The following CELF6 variants were observed in gnomAD, a reference collection of about 807,000 sequenced individuals.
The protein encoded by CELF6 is Bruno -like 6, RNA binding protein.
Under a neutral mutation model 53.1 loss-of-function variants are expected in CELF6, and 32 were observed. The observed-to-expected ratio is 0.60, with a 90% CI of 0.46 to 0.81. CELF6 has a LOEUF of 0.81. Among genes scored for constraint, CELF6 ranks in the 30% least tolerant of loss-of-function variants. CELF6 has a pLI of 0.00. For missense variants in CELF6, 539 were observed against 669.5 expected (o/e 0.81, Z 2.15); for synonymous variants, 291 against 288.8 (o/e 1.01, Z -0.08).
Position 72,288,684 on chromosome 15 carries a change from C to T in CELF6, c.1094-66G>A, listed in dbSNP as rs2087954724. 1 of 1,489,396 alleles carries T rather than the reference C, an allele frequency of 6.7e-7. No individual in the cohort carries two copies. The highest frequency in any genetic ancestry group is 9.2e-7 in the Non-Finnish European group (1 of 1,092,606). The allele number at this position is 1,489,396 out of a possible 1,614,324, so 92.3% of individuals were successfully genotyped here. ...CCTTCCCCAAGCAGGGCCCCAACTG[C>T]CTGGCCGCTTTTGACCAATTCAGCC... is the stretch of plus-strand genomic sequence containing the variant. On this transcript the variant is annotated intron_variant, in intron 9 of 12. Transcript: ENST00000287202. The surrounding 1 kb of genome is among the most constrained non-coding windows in gnomAD (Gnocchi z 4.6).
In CELF6 at chr15:72,289,649, G is replaced by GC. The variant is rs766087896; in HGVS notation, c.724dup (p.Ala242GlyfsTer42). 2.0e-6 allele frequency: 3 copies of GC among 1,500,062 alleles called. No homozygotes were observed. The highest frequency in any genetic ancestry group is 2.6e-6 in the Non-Finnish European group (3 of 1,133,652). The allele number at this position is 1,500,062 out of a possible 1,614,324, so 92.9% of individuals were successfully genotyped here. A position where few individuals can be genotyped will look rare whatever the true frequency, so the allele number is the denominator to read the frequency against. On this transcript the variant is annotated frameshift_variant, in exon 6 of 13. Transcript: ENST00000287202. LOFTEE classifies it high-confidence loss of function. The surrounding 1 kb of genome is among the most constrained non-coding windows in gnomAD (Gnocchi z 7.6). ...TACCGCCGTGGTGTAGGCGCCGCAG[G>GC]CCCCTAGCGGCAGTGGCGCGGGGTG...
chr15:72,318,100 T>C (rs573405116), intron 1 of CELF6, among the ~76,000 whole-genome samples: 1 of 152,246 alleles, frequency 6.6e-6, no homozygotes, highest in South Asian at 2.1e-4. Context: ...GAAATCAATG[T>C]CTAAAAATAA....
intron 3 of CELF6, among the ~76,000 whole-genome samples, chr15:72,302,557 T>G (rs1043780748): frequency 1.2e-4 from 19 of 152,214 alleles, no homozygotes; most frequent in Admixed American, 1.2e-3. Flanking sequence ...GCTGATGTCA[T>G]TGCTTAGAGC....
chr15:72,295,725 CAA>C lies in CELF6; in HGVS notation c.395-5472_395-5471del, dbSNP rs35288698. Among the ~76,000 whole-genome samples the C allele has an allele frequency of 4.9e-3, 530 of 109,032 alleles. 3 individuals carry two copies. The highest frequency in any genetic ancestry group is 7.8e-3 in the East Asian group (29 of 3,720). The allele number at this position is 109,032 out of a possible 152,430, so 71.5% of individuals were successfully genotyped here. On this transcript the variant is annotated intron_variant, in intron 3 of 12. Coordinates refer to ENST00000287202, the MANE Select transcript of CELF6 (RefSeq NM_052840.5). ...TGGGTGATAGTGCAAGACTCTGTCTCAAAAAAAAAAAAAAAAAAATTAAGAAG... is the reference window on the plus strand; with the variant it reads ...TGGGTGATAGTGCAAGACTCTGTCTCAAAAAAAAAAAAAAAAATTAAGAAG...
chr15:72,288,231 A>G lies in CELF6; in HGVS notation c.1318+77T>C. 1 of 1,450,420 alleles carries G rather than the reference A, an allele frequency of 6.9e-7. No individual in the cohort carries two copies. The highest frequency in any genetic ancestry group is 9.7e-7 in the Non-Finnish European group (1 of 1,032,674). The allele number at this position is 1,450,420 out of a possible 1,614,324, so 89.8% of individuals were successfully genotyped here. A position where few individuals can be genotyped will look rare whatever the true frequency, so the allele number is the denominator to read the frequency against. On this transcript the variant is annotated intron_variant, in intron 11 of 12. Coordinates refer to ENST00000287202, the MANE Select transcript of CELF6 (RefSeq NM_052840.5). The surrounding 1 kb of genome is among the most constrained non-coding windows in gnomAD (Gnocchi z 4.6). ...ATCTCAGGAAATCACTGCATTATGGAAGGGCAATCGTAGGGTCTGTAGGAA... is the reference window on the plus strand; with the variant it reads ...ATCTCAGGAAATCACTGCATTATGGGAGGGCAATCGTAGGGTCTGTAGGAA...
chr15:72,291,477 A>T (rs1160925017), intron 3 of CELF6, among the ~76,000 whole-genome samples: 2 of 152,166 alleles, frequency 1.3e-5, no homozygotes, highest in Non-Finnish European at 2.9e-5. Flanking sequence ...AGTGCAGGAA[A>T]ACCCATCCTA....
In CELF6 at chr15:72,288,290, G is replaced by A. The variant is rs751675471; in HGVS notation, c.1318+18C>T. 6.2e-7 allele frequency: 1 copy of A among 1,613,732 alleles called. No homozygotes were observed. The highest frequency in any genetic ancestry group is 2.2e-5 in the East Asian group (1 of 44,862). The stretch of plus-strand genomic sequence containing the variant: ...TAGTCAGAGGTGGGAGAGGCCTAGG[G>A]GTAGGTTCTCAGCTCACCAAAACAC... On this transcript the variant is annotated intron_variant, in intron 11 of 12. Transcript: ENST00000287202. This position sits in a 1 kb window ranked among gnomAD's most constrained non-coding sequence, Gnocchi z 4.6.
At chr15:72,311,489 G>A (rs1051744934) in intron 2 of CELF6, among the ~76,000 whole-genome samples, 1 of 149,728 alleles carries the variant, frequency 6.7e-6, no homozygotes. Context: ...TGCAAGCTCC[G>A]CCTCCCAGGT....
At chr15:72,315,202 C>T (rs938634679) in intron 2 of CELF6, among the ~76,000 whole-genome samples, 1 of 152,160 alleles carries the variant, frequency 6.6e-6, no homozygotes, top group Non-Finnish European at 1.5e-5. Flanking sequence ...TTGGTAAACC[C>T]ATGCTAGTTA....
At chr15:72,303,961 G>A (rs964899405) in intron 3 of CELF6, among the ~76,000 whole-genome samples, 19 of 152,024 alleles carry the variant, frequency 1.2e-4, no homozygotes, top group African/African-American at 2.7e-4. Context: ...AGGTTTAAGC[G>A]ATTCTCCTGC....
chr15:72,287,166 A>T, intron 12 of CELF6, 71 bp downstream of exon 12: 1 of 1,445,698 alleles, frequency 6.9e-7, no homozygotes, highest in Non-Finnish European at 9.4e-7. Flanking sequence ...AGGTCCCAAA[A>T]GGAGGACCAT....
chr15:72,298,989 C>G (rs1360861082), intron 3 of CELF6, among the ~76,000 whole-genome samples: 1 of 152,136 alleles, frequency 6.6e-6, no homozygotes, highest in Non-Finnish European at 1.5e-5. Context: ...CGGTAAATCA[C>G]TTGAGGTCAG....
At chr15:72,297,943 T>C (rs2088101058) in intron 3 of CELF6, among the ~76,000 whole-genome samples, 1 of 152,204 alleles carries the variant, frequency 6.6e-6, no homozygotes, top group African/African-American at 2.4e-5. Context: ...GTAGAATGCA[T>C]TTCAGGAAGT....
intron 3 of CELF6, among the ~76,000 whole-genome samples, chr15:72,299,026 G>T (rs1347509742): frequency 6.6e-6 from 1 of 151,898 alleles, no homozygotes; most frequent in Non-Finnish European, 1.5e-5. Flanking sequence ...TGGGCAACAT[G>T]GTGAAACCCC....
chr15:72,308,766 C>T (rs776560152), intron 2 of CELF6, among the ~76,000 whole-genome samples: 21 of 151,946 alleles, frequency 1.4e-4, no homozygotes, highest in Non-Finnish European at 2.6e-4. Context: ...AGTGCAGTGG[C>T]GCGATCTCAG....
rs930848614 is a variant in CELF6, at chr15:72,298,055, C to G, written c.394+6691G>C. On this transcript the variant is annotated intron_variant, in intron 3 of 12. Transcript: ENST00000287202. ...ATTAAATTCATCTAAGGACCAATAA[C>G]AGGTATGACTGTCAACTGACTGTGA... Among the ~76,000 whole-genome samples the G allele has an allele frequency of 1.6e-4, 25 of 152,174 alleles. 1 individual carries two copies. Among genetic ancestry groups the G allele is most frequent in the African/African-American group, 5.8e-4 (24 of 41,450 alleles).
intron 2 of CELF6, among the ~76,000 whole-genome samples, chr15:72,309,276 T>C (rs1029451680): frequency 4.6e-5 from 7 of 152,160 alleles, no homozygotes; most frequent in Admixed American, 1.3e-4. Flanking sequence ...TCCCATAAGC[T>C]GTCACTATGT....
chr15:72,305,819 G>A (rs972184909), intron 2 of CELF6, among the ~76,000 whole-genome samples: 6 of 149,430 alleles, frequency 4.0e-5, no homozygotes, highest in South Asian at 2.1e-4. Context: ...TCCCACGGGC[G>A]CCTTCACTCA....
chr15:72,305,113 T>C (rs2141199720), intron 2 of CELF6, among the ~76,000 whole-genome samples: 1 of 152,294 alleles, frequency 6.6e-6, no homozygotes, highest in Non-Finnish European at 1.5e-5. Flanking sequence ...GCTTCTGGAC[T>C]TACTTAAAGG....
Sources: allele counts gnomAD v4.1 joint callset (sites outside exome capture counted in the v4.1 genomes callset), GRCh38; gene constraint gnomAD v4.1.1; non-coding constraint Gnocchi (gnomAD v3.1); transcripts MANE v1.5; gene names NCBI Gene and HGNC (gene_info 2026-07-23, HGNC 2026-07-21).